The following ULK1 variants were observed in gnomAD, a reference collection of about 807,000 sequenced individuals.
The protein encoded by ULK1 is unc-51 like autophagy activating kinase 1, also known as serine/threonine-protein kinase ULK1.
ULK1 carries 48 observed loss-of-function variants against 117.5 expected under a neutral mutation model. That is an observed-to-expected ratio of 0.41 (90% CI 0.32 to 0.52). ULK1 has a LOEUF of 0.52. Ranked by LOEUF, ULK1 falls within the 20% of genes least tolerant of loss-of-function variation. ULK1 has a pLI of 0.29. For missense variants in ULK1, 1,387 were observed against 1,473.4 expected (o/e 0.94, Z 0.96); for synonymous variants, 790 against 637.8 (o/e 1.24, Z -3.60).
In ULK1 at chr12:131,909,780, C is replaced by T; in HGVS notation, c.672C>T (p.Ser224=). ...GGCTGTCCCCGTCCCCGCAGGCCAGCAGCCCCCAGGACCTGCGCCTGTTCT... is the reference window on the plus strand; with the variant it reads ...GGCTGTCCCCGTCCCCGCAGGCCAGTAGCCCCCAGGACCTGCGCCTGTTCT... The part of the protein sequence containing the change: ...CLTGKAPFQA[S]SPQDLRLFYE... The change falls in exon 9 of 28, where the codon AGC becomes AGT. Residue 224 remains serine (S), a synonymous_variant. Transcript: ENST00000321867. The T allele has an allele frequency of 6.2e-7, 1 of 1,606,872 alleles. No individual in the cohort carries two copies. The highest frequency in any genetic ancestry group is 8.5e-7 in the Non-Finnish European group (1 of 1,177,064).
At chr12:131,905,730 C>T (rs1014061871) in intron 3 of ULK1, among the ~76,000 whole-genome samples, 5 of 152,272 alleles carry the variant, frequency 3.3e-5, no homozygotes, top group East Asian at 1.9e-4. Flanking sequence ...GATGAGGACT[C>T]GTCCCTGTGG....
chr12:131,920,975 G>C, intron 26 of ULK1, 125 bp from the exon 27 acceptor site: 4 of 1,327,616 alleles, frequency 3.0e-6, no homozygotes, highest in Non-Finnish European at 4.0e-6. Context: ...CAGCACTTAT[G>C]TCTCCACGTC....
chr12:131,912,965 G>A (rs967509513), intron 13 of ULK1, among the ~76,000 whole-genome samples: 4 of 152,176 alleles, frequency 2.6e-5, no homozygotes, highest in African/African-American at 7.2e-5. Flanking sequence ...GAGTCCAAGT[G>A]GGGATAAGCG....
intron 8 of ULK1, 31 bp downstream of exon 8, chr12:131,909,268 G>A (rs967907861): frequency 2.6e-6 from 4 of 1,536,550 alleles, no homozygotes; most frequent in Non-Finnish European, 2.6e-6. Context: ...TCCCCACGCC[G>A]CACCGTCAGT....
chr12:131,911,680 G>A (rs1222835537), intron 12 of ULK1, among the ~76,000 whole-genome samples: 3 of 152,188 alleles, frequency 2.0e-5, no homozygotes, highest in Non-Finnish European at 1.5e-5. Context: ...TCTGGGAGCT[G>A]AGGGCTTCAA....
At chr12:131,909,694 TGG>T in intron 8 of ULK1, 79 bp from the exon 9 acceptor site, 1 of 1,395,892 alleles carries the variant, frequency 7.2e-7, no homozygotes, top group East Asian at 2.6e-5. Context: ...AGGGGCCGAC[TGG>T]GGACGAACGC....
chr12:131,908,494 G>A lies in ULK1; in HGVS notation c.317-150G>A, dbSNP rs1366658865. The A allele has an allele frequency of 7.4e-6, 7 of 947,282 alleles. No individual in the cohort carries two copies. In the South Asian group the frequency reaches 8.3e-5, roughly 11 times the overall value. The allele number at this position is 947,282 out of a possible 1,614,324, so 58.7% of individuals were successfully genotyped here. ...GCCCTGGTCTCGGCGGCCCGTGGTG[G>A]CTTGTGCCCCTCCTGACCCGGGGTT... On this transcript the variant is annotated intron_variant, in intron 5 of 27. Transcript: ENST00000321867.
intron 18 of ULK1, among the ~76,000 whole-genome samples, chr12:131,915,649 G>A (rs1047008355): frequency 6.6e-6 from 1 of 152,132 alleles, no homozygotes; most frequent in Non-Finnish European, 1.5e-5. Context: ...TAAGAGTGGC[G>A]CCTCAGCTAC....
At chr12:131,900,259 C>T (rs1889034355) in intron 3 of ULK1, among the ~76,000 whole-genome samples, 1 of 152,054 alleles carries the variant, frequency 6.6e-6, no homozygotes, top group Admixed American at 6.6e-5. Context: ...AGCAAAGTAG[C>T]TTCTTTGTGA....
rs1043434693 is a variant in ULK1, at chr12:131,908,503, C to T, written c.317-141C>T. On this transcript the variant is annotated intron_variant, in intron 5 of 27. Transcript: ENST00000321867. ...TCGGCGGCCCGTGGTGGCTTGTGCC[C>T]CTCCTGACCCGGGGTTTCCTCCCGG... The T allele has an allele frequency of 2.5e-5, 26 of 1,058,548 alleles. No individual in the cohort carries two copies. In the African/African-American group the frequency reaches 2.7e-4, roughly 11 times the overall value. 65.6% of individuals were successfully genotyped at this position (1,058,548 alleles called of 1,614,324 possible).
chr12:131,922,009 G>C lies in ULK1; in HGVS notation c.*648G>C, dbSNP rs1190352184. Reference sequence around the variant, plus strand: ...GGTCTGGACCTCAGCGGGAGAACTGGCTCCGGGGGGAGTGGGGCCCTGCGC... The same window carrying C: ...GGTCTGGACCTCAGCGGGAGAACTGCCTCCGGGGGGAGTGGGGCCCTGCGC... On this transcript the variant is annotated 3_prime_UTR_variant, in exon 28 of 28. Coordinates refer to ENST00000321867, the MANE Select transcript of ULK1 (RefSeq NM_003565.4). The C allele has an allele frequency of 2.2e-6, 1 of 454,820 alleles. No individual in the cohort carries two copies. Among genetic ancestry groups the C allele is most frequent in the Non-Finnish European group, 4.4e-6 (1 of 225,674 alleles). The allele number at this position is 454,820 out of a possible 1,614,324, so 28.2% of individuals were successfully genotyped here.
intron 11 of ULK1, 35 bp from the exon 12 acceptor site, chr12:131,910,677 G>A: frequency 1.2e-6 from 2 of 1,612,966 alleles, no homozygotes; most frequent in Middle Eastern, 1.7e-4. Flanking sequence ...GAGACAGGAG[G>A]ATGGCCCAGA....
At chr12:131,918,752 T>TGGGGGGTATAGGGTGG in intron 23 of ULK1, 71 bp downstream of exon 23, 1 of 1,422,414 alleles carries the variant, frequency 7.0e-7, no homozygotes, top group Non-Finnish European at 9.3e-7. Context: ...GTGTCGGGTG[T>TGGGGGGTATAGGGTGG]GTGGGGTATA....
Position 131,909,124 on chromosome 12 carries a change from C to G in ULK1, c.565-12C>G. On this transcript the variant is annotated splice_polypyrimidine_tract_variant and intron_variant, in intron 7 of 27. Transcript: ENST00000321867. ...CGGGGGCCTCACACTGACCCGACTT[C>G]TGGTCCCGCAGGCCCCCGAGGTCAT... 6.2e-7 allele frequency: 1 copy of G among 1,603,732 alleles called. No homozygotes were observed. Among genetic ancestry groups the G allele is most frequent in the African/African-American group, 1.3e-5 (1 of 74,842 alleles).
In ULK1 at chr12:131,916,670, G is replaced by C. The variant is rs933081258; in HGVS notation, c.2072+79G>C. On this transcript the variant is annotated intron_variant, in intron 20 of 27. Coordinates refer to ENST00000321867, the MANE Select transcript of ULK1 (RefSeq NM_003565.4). ...CTGCATTGTTCTGCTGGGTACTTCT[G>C]GGGGGTAGAACAGGAAAAGCCCAGC... The C allele has an allele frequency of 5.0e-6, 7 of 1,411,232 alleles. No homozygotes were observed. In the African/African-American group the frequency reaches 5.8e-5, roughly 12 times the overall value. The allele number at this position is 1,411,232 out of a possible 1,614,324, so 87.4% of individuals were successfully genotyped here.
intron 8 of ULK1, 39 bp downstream of exon 8, chr12:131,909,276 A>G (rs1345754137): frequency 2.0e-6 from 3 of 1,521,062 alleles, no homozygotes; most frequent in African/African-American, 2.8e-5. Flanking sequence ...CCGCACCGTC[A>G]GTGCAAGTGT....
intron 16 of ULK1, 136 bp from the exon 17 acceptor site, chr12:131,914,947 C>T (rs1266014751): frequency 1.9e-5 from 25 of 1,312,444 alleles, no homozygotes; most frequent in Non-Finnish European, 2.6e-5. Flanking sequence ...AGCACTGTAG[C>T]CACTTGGCGT....
intron 25 of ULK1, 65 bp downstream of exon 25, chr12:131,919,655 G>C: frequency 6.6e-7 from 1 of 1,523,852 alleles, no homozygotes; most frequent in East Asian, 2.3e-5. Context: ...GCAACTGCCT[G>C]GGTGACAGGG....
intron 7 of ULK1, 63 bp downstream of exon 7, chr12:131,909,034 C>T (rs1298782304): frequency 6.2e-7 from 1 of 1,611,396 alleles, no homozygotes; most frequent in African/African-American, 1.3e-5. Context: ...GGTTGGTTGG[C>T]TGGCGTGTGG....
Sources: gnomAD v4.1 joint callset for allele counts (sites outside exome capture counted in the v4.1 genomes callset) on GRCh38, gnomAD v4.1.1 for gene constraint, MANE v1.5 for transcripts, NCBI Gene and HGNC (gene_info 2026-07-23, HGNC 2026-07-21) for gene names.